Variants in TLK2 observed in about 807,000 individuals in gnomAD.
TLK2 encodes the protein serine/threonine-protein kinase tousled-like 2.
In TLK2, 6 loss-of-function variants were observed where a neutral mutation model predicts 117.3. The ratio of observed to expected loss-of-function variants is 0.05; its 90% CI spans 0.03 to 0.10. TLK2 has a LOEUF of 0.10. Among genes scored for constraint, TLK2 ranks in the 10% least tolerant of loss-of-function variants. The pLI is 1.00. For missense variants in TLK2, 299 were observed against 901.2 expected, an observed-to-expected ratio of 0.33 and a Z score of 8.56; for synonymous variants, 257 against 316.7, an observed-to-expected ratio of 0.81 and a Z score of 2.00.
At chr17:62,513,635 T>A (rs914532256) in intron 2 of TLK2, among the ~76,000 whole-genome samples, 6 of 152,150 alleles carry the variant, frequency 3.9e-5, no homozygotes, top group African/African-American at 1.4e-4. Flanking sequence ...ATTAAATTGC[T>A]TTTATACTTT....
At chr17:62,474,500 C>G (rs2071000905), upstream of TLK2, among the ~76,000 whole-genome samples, 1 of 151,928 alleles carries the variant, frequency 6.6e-6, no homozygotes, top group Non-Finnish European at 1.5e-5. Context: ...AGCTCCACCT[C>G]CTGGGTTCAT....
intron 11 of TLK2, chr17:62,572,750 A>G (rs1387724139): frequency 6.5e-6 from 1 of 152,964 alleles, no homozygotes; most frequent in Non-Finnish European, 1.5e-5. Context: ...AATCTTGTTT[A>G]CTTTCTTTAG....
chr17:62,545,411 C>T (rs1159559274), intron 7 of TLK2, among the ~76,000 whole-genome samples: 3 of 152,130 alleles, frequency 2.0e-5, no homozygotes, highest in African/African-American at 7.2e-5. Context: ...ACATCCTTGT[C>T]TTTCTTGTTC....
chr17:62,471,112 G>T, intron 1 of TLK2: 1 of 152,258 alleles, frequency 6.6e-6, no homozygotes, highest in Non-Finnish European at 1.5e-5. Flanking sequence ...GAAACTAAAG[G>T]CAGAGAGTTT....
chr17:62,540,082 T>C (rs2077403835), intron 7 of TLK2, among the ~76,000 whole-genome samples: 2 of 150,310 alleles, frequency 1.3e-5, no homozygotes, highest in African/African-American at 4.9e-5. Context: ...TCTTCTTTCT[T>C]CTTCTTTCTT....
At chr17:62,607,173 A>G (rs923318589) in intron 20 of TLK2, among the ~76,000 whole-genome samples, 5 of 152,026 alleles carry the variant, frequency 3.3e-5, no homozygotes, top group Admixed American at 6.6e-5. Flanking sequence ...ATCTCAGTAG[A>G]ACCAGTATAG....
chr17:62,575,675 T>C (rs1439622579), intron 12 of TLK2, among the ~76,000 whole-genome samples: 2 of 151,788 alleles, frequency 1.3e-5, no homozygotes, highest in East Asian at 1.9e-4. Flanking sequence ...CTTTCTGTCT[T>C]TCTCTCTCTC....
chr17:62,593,430 CATA>C (rs2082223971), intron 16 of TLK2, among the ~76,000 whole-genome samples: 2 of 152,108 alleles, frequency 1.3e-5, no homozygotes, highest in East Asian at 1.9e-4. Flanking sequence ...TTTTGACTCT[CATA>C]ATAACACTTA....
intron 20 of TLK2, among the ~76,000 whole-genome samples, 171 bp downstream of exon 20, chr17:62,606,412 G>A (rs1413106523): frequency 2.0e-5 from 3 of 152,144 alleles, no homozygotes; most frequent in Admixed American, 6.5e-5. Context: ...AGCCTTATTC[G>A]TAAGCAGAAA....
intron 12 of TLK2, among the ~76,000 whole-genome samples, chr17:62,574,800 G>A (rs1023356778): frequency 6.6e-6 from 1 of 152,162 alleles, no homozygotes; most frequent in African/African-American, 2.4e-5. Context: ...ACAGGTGCGA[G>A]CTACTGCACC....
chr17:62,510,014 C>G (rs1450882056), intron 2 of TLK2, among the ~76,000 whole-genome samples: 1 of 152,226 alleles, frequency 6.6e-6, no homozygotes, highest in Non-Finnish European at 1.5e-5. Context: ...TGCAGTGGCT[C>G]ATGCCTGTAA....
Position 62,614,180 on chromosome 17 carries a change from TG to T in TLK2, c.*1617del, listed in dbSNP as rs2083975659. On this transcript the variant is annotated 3_prime_UTR_variant, in exon 22 of 22. Coordinates refer to ENST00000346027, the MANE Select transcript of TLK2 (RefSeq NM_006852.6). ...GATGTTTCAAATATGAACATTCTTT[TG>T]GCACCAATTTTCTTTTTTAATTTGG... The T allele has an allele frequency of 6.6e-6, 1 of 151,920 alleles. No individual in the cohort carries two copies. Among genetic ancestry groups the T allele is most frequent in the Non-Finnish European group, 1.5e-5 (1 of 68,010 alleles). 9.4% of individuals were successfully genotyped at this position (151,920 alleles called of 1,614,324 possible). A position where few individuals can be genotyped will look rare whatever the true frequency, so the allele number is the denominator to read the frequency against.
At chr17:62,576,890 G>A (rs552565225) in intron 13 of TLK2, 115 bp downstream of exon 13, 139 of 717,668 alleles carry the variant, frequency 1.9e-4, no homozygotes, top group Middle Eastern at 1.5e-3. Flanking sequence ...GCAGCAGAAA[G>A]CTTCAGTGAC....
chr17:62,583,174 C>T (rs2081340771), intron 15 of TLK2, among the ~76,000 whole-genome samples: 1 of 152,110 alleles, frequency 6.6e-6, no homozygotes, highest in Non-Finnish European at 1.5e-5. Flanking sequence ...TCACTGCAAC[C>T]TCCATCTCCC....
chr17:62,557,171 T>C (rs2078921337), intron 9 of TLK2, among the ~76,000 whole-genome samples: 2 of 152,178 alleles, frequency 1.3e-5, no homozygotes, highest in South Asian at 4.1e-4. Flanking sequence ...GCAAACCTCC[T>C]ACCTTGGCCT....
intron 6 of TLK2, among the ~76,000 whole-genome samples, chr17:62,529,472 G>C (rs1349260505): frequency 6.6e-6 from 1 of 152,174 alleles, no homozygotes; most frequent in African/African-American, 2.4e-5. Flanking sequence ...GGTCTCAAGT[G>C]ATCTGCCTGC....
At chr17:62,548,351 G>A (rs2146097426) in intron 7 of TLK2, among the ~76,000 whole-genome samples, 1 of 150,260 alleles carries the variant, frequency 6.7e-6, no homozygotes, top group Non-Finnish European at 1.5e-5. Context: ...GTACGATCTC[G>A]ACTCACTGCA....
chr17:62,492,457 GT>G lies in TLK2; in HGVS notation c.81+11262del, dbSNP rs1373069964. ...GGAGATAGAGATTTGTTATTAAACT[GT>G]TTTTTTTTTTGTTTTTTGAGACTCA... On this transcript the variant is annotated intron_variant, in intron 2 of 21. Transcript: ENST00000346027. 3.8e-3 allele frequency among the ~76,000 whole-genome samples: 543 copies of G among 144,720 alleles called. 6 individuals are homozygous for G. The highest frequency in any genetic ancestry group is 0.013 in the African/African-American group (504 of 39,740). 94.9% of individuals were successfully genotyped at this position (144,720 alleles called of 152,430 possible). A position where few individuals can be genotyped will look rare whatever the true frequency, so the allele number is the denominator to read the frequency against.
chr17:62,538,121 T>C (rs1034556459), intron 7 of TLK2, among the ~76,000 whole-genome samples: 8 of 149,344 alleles, frequency 5.4e-5, no homozygotes, highest in South Asian at 2.2e-4. Context: ...CTGCAAGCTC[T>C]GCCTCTCGGG....
Sources: allele counts gnomAD v4.1 joint callset (sites outside exome capture counted in the v4.1 genomes callset), GRCh38; gene constraint gnomAD v4.1.1; transcripts MANE v1.5; gene names NCBI Gene and HGNC (gene_info 2026-07-23, HGNC 2026-07-21).